The following HEATR4 variants were observed in gnomAD, a reference collection of about 807,000 sequenced individuals.
HEATR4 encodes HEAT repeat containing 4.
A neutral mutation model predicts 108.8 loss-of-function variants in HEATR4; 95 were observed. That is an observed-to-expected ratio of 0.87 (90% CI 0.74 to 1.04). The LOEUF is 1.04. HEATR4 is among the 50% of genes least tolerant of loss of function. The pLI is 0.00. For missense variants in HEATR4, 1,152 were observed against 1,253.8 expected (o/e 0.92, Z 1.23); for synonymous variants, 443 against 459.4 (o/e 0.96, Z 0.46).
At chr14:73,604,164 C>CTTTTTTTTTT in the HEATR4 span, among the ~76,000 whole-genome samples, 40 of 120,776 alleles carry the variant, frequency 3.3e-4, 2 homozygotes, top group African/African-American at 9.6e-4. Flanking sequence ...TTGCTAATTT[C>CTTTTTTTTTT]TTTTTTTTTT....
the HEATR4 span, among the ~76,000 whole-genome samples, chr14:73,570,288 G>A: frequency 1.3e-5 from 2 of 151,774 alleles, no homozygotes; most frequent in Non-Finnish European, 2.9e-5. Context: ...ACATTGTAAG[G>A]GCCAGGCGCA....
Position 73,481,295 on chromosome 14 carries a change from G to A in HEATR4, c.2845-2453C>T, listed in dbSNP as rs531826032. The stretch of plus-strand genomic sequence containing the variant: ...CTTTACTAAAAATACAAAAATTAGC[G>A]GGGGGTGGCGGTGCACGCCTGTAAT... On this transcript the variant is annotated intron_variant, in intron 17 of 17. Transcript: ENST00000553558. Among the ~76,000 whole-genome samples the A allele has an allele frequency of 4.6e-5, 7 of 151,800 alleles. No individual in the cohort carries two copies. The East Asian group carries it at 7.8e-4, about 17-fold the overall frequency.
chr14:73,567,539 C>A, the HEATR4 span: 1 of 151,910 alleles, frequency 6.6e-6, no homozygotes, highest in East Asian at 1.9e-4. Context: ...AAAATCAGCG[C>A]TCTGTAAAAT....
chr14:73,595,509 T>C, the HEATR4 span: 1 of 1,613,678 alleles, frequency 6.2e-7, no homozygotes, highest in Non-Finnish European at 8.5e-7. Context: ...CCAGCTTCCC[T>C]TCACAGATTA....
the HEATR4 span, among the ~76,000 whole-genome samples, chr14:73,626,046 G>A: frequency 2.0e-5 from 3 of 152,204 alleles, no homozygotes; most frequent in Non-Finnish European, 2.9e-5. Flanking sequence ...AGTTCTTGAA[G>A]GCAATTAAAA....
the HEATR4 span, among the ~76,000 whole-genome samples, chr14:73,594,770 G>A: frequency 3.3e-5 from 5 of 152,050 alleles, no homozygotes; most frequent in South Asian, 1.0e-3. Context: ...GCGCAATCTC[G>A]GCTCACTGCA....
the HEATR4 span, among the ~76,000 whole-genome samples, chr14:73,615,927 T>C: frequency 6.6e-6 from 1 of 152,026 alleles, no homozygotes; most frequent in Admixed American, 6.6e-5. Context: ...TAGCCAAGCA[T>C]AGGGGCCTAG....
chr14:73,573,683 C>A, the HEATR4 span: 3 of 1,403,552 alleles, frequency 2.1e-6, no homozygotes, highest in Non-Finnish European at 3.0e-6. Context: ...TTCATGACAG[C>A]CATTCCCTAC....
intron 2 of HEATR4, among the ~76,000 whole-genome samples, chr14:73,524,310 A>AATATATATATATATATATATAT (rs58047390): frequency 9.1e-5 from 5 of 54,768 alleles, no homozygotes; most frequent in Admixed American, 2.8e-4. Context: ...AAAAAAAAAA[A>AATATATATATATATATATATAT]ATATATATAT....
the HEATR4 span, chr14:73,592,195 G>C: frequency 1.9e-6 from 3 of 1,611,022 alleles, no homozygotes; most frequent in Non-Finnish European, 2.5e-6. Context: ...GAGCCCATGG[G>C]GCTGCTCTGG....
chr14:73,562,859 C>T (rs1265410165), upstream of HEATR4, among the ~76,000 whole-genome samples: 13 of 152,040 alleles, frequency 8.6e-5, 1 homozygote, highest in Non-Finnish European at 1.9e-4. Context: ...CAAGAAAATA[C>T]ATGCACCGCT....
upstream of HEATR4, among the ~76,000 whole-genome samples, chr14:73,563,185 T>C (rs1889554197): frequency 2.0e-5 from 1 of 48,870 alleles, no homozygotes; most frequent in Non-Finnish European, 3.2e-5. Flanking sequence ...CTCTTTGTAC[T>C]GTCTCTATTT....
intron 2 of HEATR4, among the ~76,000 whole-genome samples, chr14:73,525,883 G>A (rs1888298028): frequency 6.6e-6 from 1 of 151,662 alleles, no homozygotes; most frequent in Non-Finnish European, 1.5e-5. Flanking sequence ...AACCTGGGAA[G>A]CAGAGGTTGC....
the HEATR4 span, among the ~76,000 whole-genome samples, chr14:73,590,802 C>A: frequency 6.6e-6 from 1 of 151,880 alleles, no homozygotes; most frequent in Non-Finnish European, 1.5e-5. Context: ...CCCCGGTTCC[C>A]GCCCGCGCCT....
At chr14:73,573,288 G>T in the HEATR4 span, 2 of 1,542,804 alleles carry the variant, frequency 1.3e-6, no homozygotes, top group Admixed American at 3.4e-5. Flanking sequence ...CTAGGAGTGG[G>T]ATTGCTGGGT....
At chr14:73,512,497 T>G (rs897518773) in intron 6 of HEATR4, among the ~76,000 whole-genome samples, 1 of 152,210 alleles carries the variant, frequency 6.6e-6, no homozygotes, top group African/African-American at 2.4e-5. Flanking sequence ...ATCACAGTTA[T>G]TAGCTGTGTG....
At chr14:73,585,070 CCTGT>C in the HEATR4 span, among the ~76,000 whole-genome samples, 7 of 151,812 alleles carry the variant, frequency 4.6e-5, no homozygotes, top group African/African-American at 7.3e-5. Context: ...GCCACCCAGG[CCTGT>C]CTGTGTGGGC....
chr14:73,561,683 CAAAAAA>C (rs1046340311), upstream of HEATR4, among the ~76,000 whole-genome samples: 1 of 149,308 alleles, frequency 6.7e-6, no homozygotes, highest in African/African-American at 2.5e-5. Flanking sequence ...AACTCTGTCT[CAAAAAA>C]AATGAATGAA....
the HEATR4 span, chr14:73,582,117 T>G: frequency 8.0e-6 from 1 of 124,238 alleles, no homozygotes; most frequent in African/African-American, 3.4e-5. Flanking sequence ...GTGGCCAAGA[T>G]CCCACTGAAA....
Sources: allele counts gnomAD v4.1 joint callset (sites outside exome capture counted in the v4.1 genomes callset), GRCh38; gene constraint gnomAD v4.1.1; transcripts MANE v1.5; gene names NCBI Gene and HGNC (gene_info 2026-07-23, HGNC 2026-07-21).